Variants in SNTB1 observed in about 807,000 individuals in gnomAD.
SNTB1 encodes the protein beta-1-syntrophin.
A neutral mutation model predicts 48.9 loss-of-function variants in SNTB1; 36 were observed. The ratio of observed to expected loss-of-function variants is 0.74; its 90% CI spans 0.56 to 0.97. The LOEUF is 0.97. Among genes scored for constraint, SNTB1 ranks in the 50% least tolerant of loss-of-function variants. The probability of loss-of-function intolerance (pLI) is 0.00; values close to 1 mark genes in which losing one functional copy is unlikely to be tolerated. For missense variants in SNTB1, 786 were observed against 703.4 expected (o/e 1.12, Z -1.33); for synonymous variants, 299 against 294.6 (o/e 1.01, Z -0.15).
chr8:120,751,079 A>T (rs2130033019), intron 1 of SNTB1, among the ~76,000 whole-genome samples: 1 of 152,312 alleles, frequency 6.6e-6, no homozygotes, highest in Non-Finnish European at 1.5e-5. Context: ...TTTAGAGAAC[A>T]AGGTATCAAG....
intron 1 of SNTB1, among the ~76,000 whole-genome samples, chr8:120,807,542 C>T (rs372621272): frequency 2.2e-4 from 33 of 152,324 alleles, no homozygotes; most frequent in African/African-American, 7.2e-4. Flanking sequence ...AGTTTATTCA[C>T]GATATAAGTT....
At position 120,764,009 on chromosome 8, in the gene SNTB1, G is replaced by A. The variant is rs576177302; in HGVS notation, c.571+47264C>T. Among the ~76,000 whole-genome samples, 6 of 152,236 alleles carry A rather than the reference G, an allele frequency of 3.9e-5. 1 individual carries two copies. The highest frequency in any genetic ancestry group is 1.4e-4 in the African/African-American group (6 of 41,546). Reference sequence around the variant, plus strand: ...GAGTAAAAACTGCCATAATACTTATGGAGAGTAATTTGGCAATGTTCTCAA... The same window carrying A: ...GAGTAAAAACTGCCATAATACTTATAGAGAGTAATTTGGCAATGTTCTCAA... On this transcript the variant is annotated intron_variant, in intron 1 of 6. Coordinates refer to ENST00000517992, the MANE Select transcript of SNTB1 (RefSeq NM_021021.4).
intron 2 of SNTB1, among the ~76,000 whole-genome samples, chr8:120,641,375 G>A (rs773774047): frequency 3.3e-5 from 5 of 152,038 alleles, no homozygotes; most frequent in South Asian, 2.1e-4. Flanking sequence ...ATGCAAATAC[G>A]TCATTTACAA....
intron 3 of SNTB1, among the ~76,000 whole-genome samples, chr8:120,604,331 T>C (rs1219817636): frequency 5.3e-5 from 8 of 152,168 alleles, no homozygotes; most frequent in Non-Finnish European, 8.8e-5. Context: ...CTCCATCAAA[T>C]GTCATTTCGG....
chr8:120,622,443 T>A (rs1816808737), intron 3 of SNTB1, among the ~76,000 whole-genome samples: 1 of 152,128 alleles, frequency 6.6e-6, no homozygotes, highest in Non-Finnish European at 1.5e-5. Context: ...GAAAATGAAA[T>A]GTGTTCATTT....
intron 1 of SNTB1, among the ~76,000 whole-genome samples, chr8:120,805,270 C>T (rs1370022355): frequency 1.3e-5 from 2 of 151,946 alleles, no homozygotes; most frequent in African/African-American, 4.8e-5. Flanking sequence ...TTCTCCAGAT[C>T]GTGTGAATAT....
intron 2 of SNTB1, among the ~76,000 whole-genome samples, chr8:120,640,316 A>G (rs184138685): frequency 3.3e-4 from 50 of 152,338 alleles, no homozygotes; most frequent in East Asian, 3.1e-3. Flanking sequence ...CAATCATGTC[A>G]TCTGCAAACA....
intron 3 of SNTB1, among the ~76,000 whole-genome samples, chr8:120,606,063 G>A (rs1210722771): frequency 6.6e-6 from 1 of 151,874 alleles, no homozygotes; most frequent in African/African-American, 2.4e-5. Context: ...CTTAGTGAAT[G>A]CCACCAACTG....
chr8:120,761,859 T>C (rs1819426632), intron 1 of SNTB1, among the ~76,000 whole-genome samples: 1 of 152,228 alleles, frequency 6.6e-6, no homozygotes, highest in Admixed American at 6.5e-5. Context: ...AAGTATTTCT[T>C]TTTTATTAAA....
At chr8:120,799,829 G>A (rs1336718563) in intron 1 of SNTB1, among the ~76,000 whole-genome samples, 2 of 151,894 alleles carry the variant, frequency 1.3e-5, no homozygotes, top group African/African-American at 4.8e-5. Context: ...AAGTAATGAG[G>A]CCCAAACAAC....
At position 120,575,104 on chromosome 8, in the gene SNTB1, T is replaced by A. The variant is rs1176356722; in HGVS notation, c.1118A>T (p.Tyr373Phe). Residue 373 changes from tyrosine (Y) to phenylalanine (F), a missense_variant, in exon 4 of 7, where the codon TAC becomes TTC. Coordinates refer to ENST00000517992, the MANE Select transcript of SNTB1 (RefSeq NM_021021.4). ...TGGCTACCTGGTGGCAAGAAGAGGG[T>A]ATGTGTGAACTGGGCTGAACCAGGC... ...KEAWFSPVHT[Y>F]PLLATRLVHS... 1 of 1,613,874 alleles carries A rather than the reference T, an allele frequency of 6.2e-7. No individual in the cohort carries two copies. Among genetic ancestry groups the A allele is most frequent in the Non-Finnish European group, 8.5e-7 (1 of 1,179,984 alleles).
intron 2 of SNTB1, among the ~76,000 whole-genome samples, chr8:120,683,790 G>GA (rs906628109): frequency 1.3e-4 from 20 of 151,816 alleles, no homozygotes; most frequent in Non-Finnish European, 2.4e-4. Context: ...AGTACAGAGA[G>GA]AAAAAAAAGT....
intron 3 of SNTB1, among the ~76,000 whole-genome samples, chr8:120,629,599 T>C (rs928754378): frequency 1.3e-5 from 2 of 152,230 alleles, no homozygotes; most frequent in Admixed American, 6.5e-5. Flanking sequence ...CCATTCATTA[T>C]AACATTTTGC....
intron 3 of SNTB1, among the ~76,000 whole-genome samples, chr8:120,625,888 C>T (rs1263680978): frequency 6.6e-6 from 1 of 152,090 alleles, no homozygotes; most frequent in Non-Finnish European, 1.5e-5. Flanking sequence ...CTATTTTCTC[C>T]CTGGAAGAAG....
chr8:120,775,707 CAAGG>C (rs371412589), intron 1 of SNTB1, among the ~76,000 whole-genome samples: 44,912 of 113,958 alleles, frequency 0.39, 9,399 homozygotes, highest in Non-Finnish European at 0.49. Context: ...GGGAAGGAGA[CAAGG>C]AAGGAAGGAA....
At chr8:120,750,806 T>C (rs4871119) in intron 1 of SNTB1, among the ~76,000 whole-genome samples, 19,702 of 151,984 alleles carry the variant, frequency 0.13, 1,655 homozygotes, top group African/African-American at 0.23. Context: ...AATGAAAGGC[T>C]GGCTTCCCTC....
chr8:120,630,605 G>C (rs1381543958), intron 3 of SNTB1, among the ~76,000 whole-genome samples: 2 of 152,184 alleles, frequency 1.3e-5, no homozygotes, highest in African/African-American at 4.8e-5. Context: ...AACCAAGTGA[G>C]AGCATTTTTC....
intron 2 of SNTB1, among the ~76,000 whole-genome samples, chr8:120,671,933 A>T (rs1563847705): frequency 6.6e-6 from 1 of 152,210 alleles, no homozygotes; most frequent in African/African-American, 2.4e-5. Flanking sequence ...GATGGTCCCC[A>T]ACTTATAGTG....
intron 2 of SNTB1, among the ~76,000 whole-genome samples, chr8:120,641,759 A>G (rs994245563): frequency 1.3e-5 from 2 of 152,256 alleles, no homozygotes; most frequent in Non-Finnish European, 2.9e-5. Context: ...AGAATATTAC[A>G]GTCATCCCAG....
Sources: allele counts gnomAD v4.1 joint callset (sites outside exome capture counted in the v4.1 genomes callset), GRCh38; gene constraint gnomAD v4.1.1; transcripts MANE v1.5; gene names NCBI Gene and HGNC (gene_info 2026-07-23, HGNC 2026-07-21).